The following WDR72 variants were observed in gnomAD, a reference collection of about 807,000 sequenced individuals.
The protein encoded by WDR72 is WD repeat domain 72.
WDR72 carries 120 observed loss-of-function variants against 124.2 expected under a neutral mutation model. The ratio of observed to expected loss-of-function variants is 0.97; its 90% CI spans 0.83 to 1.12. WDR72 has a LOEUF of 1.12. Among genes scored for constraint, WDR72 ranks in the 50% most tolerant of loss-of-function variants. The pLI, the probability that WDR72 is intolerant of heterozygous loss-of-function variation, is 0.00. For missense variants in WDR72, 1,387 were observed against 1,278.8 expected (o/e 1.08, Z -1.29); for synonymous variants, 452 against 441.7 (o/e 1.02, Z -0.29).
chr15:53,748,031 T>C (rs2018685302), intron 1 of WDR72, among the ~76,000 whole-genome samples: 1 of 151,930 alleles, frequency 6.6e-6, no homozygotes, highest in South Asian at 2.1e-4. Context: ...AAAATACCAT[T>C]GTCCTAGACC....
intron 1 of WDR72, 86 bp downstream of exon 1, chr15:53,759,547 G>C (rs2019013146): frequency 1.3e-5 from 2 of 152,398 alleles, no homozygotes; most frequent in Non-Finnish European, 2.9e-5. Flanking sequence ...GCGGGAAGGC[G>C]TGCGGCTGCA....
intron 14 of WDR72, among the ~76,000 whole-genome samples, chr15:53,664,882 G>A (rs1324324346): frequency 2.6e-5 from 4 of 152,018 alleles, no homozygotes; most frequent in South Asian, 2.1e-4. Context: ...ATGTTTATAT[G>A]AAAAAATACA....
At chr15:53,690,164 TATGTA>T (rs2016791604) in intron 13 of WDR72, among the ~76,000 whole-genome samples, 1 of 151,760 alleles carries the variant, frequency 6.6e-6, no homozygotes, top group Admixed American at 6.6e-5. Context: ...CATGTATACA[TATGTA>T]ACTAACCTGC....
At chr15:53,740,617 C>G (rs538337399) in intron 1 of WDR72, among the ~76,000 whole-genome samples, 24 of 152,338 alleles carry the variant, frequency 1.6e-4, no homozygotes, top group African/African-American at 5.8e-4. Flanking sequence ...CTTCCTTCTA[C>G]ATTCCTTCTG....
In WDR72 at chr15:53,597,767, T is replaced by C. The variant is rs531219027; in HGVS notation, c.2953-493A>G. On this transcript the variant is annotated intron_variant, in intron 17 of 19. Transcript: ENST00000360509. ...AATAAATCTCACTAACTTTTGTGTATACCTATGTGGTTTTACATAGATTAA... is the reference window on the plus strand; with the variant it reads ...AATAAATCTCACTAACTTTTGTGTACACCTATGTGGTTTTACATAGATTAA... Among the ~76,000 whole-genome samples the C allele has an allele frequency of 2.4e-3, 366 of 152,306 alleles. 1 individual carries two copies. Among genetic ancestry groups the C allele is most frequent in the African/African-American group, 8.1e-3 (337 of 41,558 alleles).
At chr15:53,549,702 A>G (rs996780615) in intron 18 of WDR72, among the ~76,000 whole-genome samples, 5 of 152,168 alleles carry the variant, frequency 3.3e-5, no homozygotes, top group Non-Finnish European at 7.4e-5. Flanking sequence ...GGTTATACCT[A>G]AGGTCACGTA....
At chr15:53,740,566 G>A (rs1595884454) in intron 1 of WDR72, among the ~76,000 whole-genome samples, 1 of 152,202 alleles carries the variant, frequency 6.6e-6, no homozygotes, top group East Asian at 1.9e-4. Flanking sequence ...AAAGTGCTGG[G>A]ATTACAGGCG....
intron 18 of WDR72, chr15:53,541,112 CGGG>C (rs1566950606): frequency 6.4e-6 from 1 of 155,162 alleles, no homozygotes; most frequent in Admixed American, 6.5e-5. Context: ...ACAAAGCAGC[CGGG>C]AAGCTAGAAC....
At chr15:53,609,642 A>G in intron 16 of WDR72, 50 bp from the exon 17 acceptor site, 1 of 1,487,610 alleles carries the variant, frequency 6.7e-7, no homozygotes, top group Non-Finnish European at 9.4e-7. Context: ...AAAAATGGAT[A>G]ATGGCTCTTA....
intron 14 of WDR72, among the ~76,000 whole-genome samples, chr15:53,644,201 C>T (rs917021147): frequency 1.3e-5 from 2 of 152,018 alleles, no homozygotes; most frequent in Non-Finnish European, 2.9e-5. Flanking sequence ...ACACAAACTA[C>T]ACCTCCCATA....
At chr15:53,621,788 G>A (rs1306531414) in intron 14 of WDR72, among the ~76,000 whole-genome samples, 4 of 151,640 alleles carry the variant, frequency 2.6e-5, no homozygotes, top group African/African-American at 9.7e-5. Context: ...ATAACCTATG[G>A]AAATAAACAT....
At chr15:53,616,776 A>C (rs1458472957) in intron 14 of WDR72, among the ~76,000 whole-genome samples, 2 of 152,038 alleles carry the variant, frequency 1.3e-5, no homozygotes, top group Non-Finnish European at 2.9e-5. Context: ...AAAGGCTGGC[A>C]CAGTGGGTTC....
At chr15:53,690,552 T>G (rs1420571709) in intron 13 of WDR72, among the ~76,000 whole-genome samples, 1 of 152,208 alleles carries the variant, frequency 6.6e-6, no homozygotes, top group African/African-American at 2.4e-5. Flanking sequence ...CATTTTTGTG[T>G]ATGTCTGACT....
intron 18 of WDR72, among the ~76,000 whole-genome samples, chr15:53,527,210 T>C (rs1187112560): frequency 6.6e-6 from 1 of 152,080 alleles, no homozygotes; most frequent in Non-Finnish European, 1.5e-5. Context: ...GGATTTGTTG[T>C]TAAAATTAGA....
chr15:53,572,412 T>C (rs567075518), intron 18 of WDR72, among the ~76,000 whole-genome samples: 21 of 73,476 alleles, frequency 2.9e-4, no homozygotes, highest in Admixed American at 2.5e-3. Flanking sequence ...GTGTGAGATA[T>C]ATATTTTTTT....
At chr15:53,735,131 T>C (rs2018314748) in intron 1 of WDR72, among the ~76,000 whole-genome samples, 1 of 151,936 alleles carries the variant, frequency 6.6e-6, no homozygotes, top group Admixed American at 6.6e-5. Context: ...CCCTCTCTAC[T>C]AAAAATACAA....
intron 18 of WDR72, among the ~76,000 whole-genome samples, chr15:53,529,900 G>A (rs1280771748): frequency 1.3e-5 from 2 of 151,952 alleles, no homozygotes; most frequent in African/African-American, 2.4e-5. Context: ...TGTAGGTTGG[G>A]AAGTAGAAAA....
rs546985508 is a variant in WDR72 at position 53,666,950 on chromosome 15, C to T, written c.1766-1182G>A. On this transcript the variant is annotated intron_variant, in intron 13 of 19. Transcript: ENST00000360509. ...AACAGGCAAAACTTCAGTCTCGAGT[C>T]CCTTAACAATATACTTTTATTATAA... 3.5e-3 allele frequency among the ~76,000 whole-genome samples: 530 copies of T among 152,214 alleles called. 6 individuals are homozygous for T. Among genetic ancestry groups the T allele is most frequent in the South Asian group, 0.029 (138 of 4,810 alleles).
intron 2 of WDR72, among the ~76,000 whole-genome samples, chr15:53,727,584 A>G (rs1293563478): frequency 3.3e-5 from 5 of 152,184 alleles, no homozygotes; most frequent in Non-Finnish European, 7.3e-5. Flanking sequence ...TCAGAGAACA[A>G]CATACTATCT....
Sources: gnomAD v4.1 joint callset for allele counts (sites outside exome capture counted in the v4.1 genomes callset) on GRCh38, gnomAD v4.1.1 for gene constraint, MANE v1.5 for transcripts, NCBI Gene and HGNC (gene_info 2026-07-23, HGNC 2026-07-21) for gene names.